PLD1: variants seen among roughly 807,000 people sequenced by gnomAD.
The protein encoded by PLD1 is phospholipase D1.
A neutral mutation model predicts 137.1 loss-of-function variants in PLD1; 112 were observed. The ratio of observed to expected loss-of-function variants is 0.82; its 90% confidence interval spans 0.70 to 0.96. The LOEUF (loss-of-function observed/expected upper bound fraction) is 0.96. Among genes scored for constraint, PLD1 ranks in the 40% least tolerant of loss-of-function variants. PLD1 has a pLI of 0.00. For missense variants in PLD1, 1,321 were observed against 1,342.0 expected (o/e 0.98, Z 0.24); for synonymous variants, 431 against 454.7 (o/e 0.95, Z 0.66).
At chr3:171,620,266 T>C (rs747720380) in intron 24 of PLD1, 120 bp downstream of exon 24, 5 of 631,822 alleles carry the variant, frequency 7.9e-6, no homozygotes, top group Non-Finnish European at 1.3e-5. Flanking sequence ...AATGTTTTAG[T>C]TATGGTGTTA....
At chr3:171,709,998 G>T (rs1177492474) in intron 9 of PLD1, among the ~76,000 whole-genome samples, 2 of 152,196 alleles carry the variant, frequency 1.3e-5, no homozygotes, top group Non-Finnish European at 2.9e-5. Flanking sequence ...GGGGTAAGGT[G>T]AGGTTCTATT....
chr3:171,809,886 G>A (rs1724042622), intron 1 of PLD1: 1 of 152,422 alleles, frequency 6.6e-6, no homozygotes, highest in Admixed American at 6.5e-5. Context: ...GCGGTCAGCA[G>A]CTGTGATCAC....
chr3:171,722,760 A>T (rs1445923815), intron 8 of PLD1, among the ~76,000 whole-genome samples: 1 of 152,178 alleles, frequency 6.6e-6, no homozygotes, highest in Non-Finnish European at 1.5e-5. Flanking sequence ...ATATTGACAG[A>T]GTTGTGCAAC....
At chr3:171,746,137 C>A (rs1427201000) in intron 1 of PLD1, among the ~76,000 whole-genome samples, 1 of 152,228 alleles carries the variant, frequency 6.6e-6, no homozygotes, top group African/African-American at 2.4e-5. Flanking sequence ...GAGCTTGGGA[C>A]CTGCAGCCTG....
intron 9 of PLD1, among the ~76,000 whole-genome samples, chr3:171,711,368 A>C (rs527536436): frequency 1.4e-3 from 212 of 148,866 alleles, no homozygotes; most frequent in African/African-American, 5.1e-3. Flanking sequence ...ACAGGGTTTC[A>C]CAATATTGGC....
At chr3:171,750,224 T>C (rs1720557274) in intron 1 of PLD1, among the ~76,000 whole-genome samples, 1 of 151,780 alleles carries the variant, frequency 6.6e-6, no homozygotes, top group African/African-American at 2.4e-5. Context: ...AAGTAGAAAA[T>C]CTCACCAGAG....
At chr3:171,809,756 C>G (rs558351166) in intron 1 of PLD1, 85 of 152,458 alleles carry the variant, frequency 5.6e-4, no homozygotes, top group African/African-American at 2.0e-3. Flanking sequence ...TGGATCTGAG[C>G]CCTACGTCCC....
At chr3:171,673,186 A>C in intron 19 of PLD1, among the ~76,000 whole-genome samples, 1 of 152,240 alleles carries the variant, frequency 6.6e-6, no homozygotes, top group Non-Finnish European at 1.5e-5. Flanking sequence ...ATCAACTTAC[A>C]TATAAATCAT....
intron 1 of PLD1, among the ~76,000 whole-genome samples, chr3:171,800,435 C>T (rs975777126): frequency 6.6e-6 from 1 of 152,242 alleles, no homozygotes; most frequent in Non-Finnish European, 1.5e-5. Flanking sequence ...TCTCAAACTC[C>T]TAATCTCAAG....
At chr3:171,673,430 C>T (rs115384771) in intron 19 of PLD1, among the ~76,000 whole-genome samples, 1,630 of 151,964 alleles carry the variant, frequency 0.011, 37 homozygotes, top group African/African-American at 0.038. Flanking sequence ...TACAGGCGCA[C>T]GCTACCACGC....
chr3:171,697,435 C>T (rs185676454), intron 12 of PLD1, among the ~76,000 whole-genome samples: 6 of 151,816 alleles, frequency 4.0e-5, no homozygotes, highest in South Asian at 2.1e-4. Flanking sequence ...TTAGTAGAGA[C>T]GGGGTCCGAC....
At chr3:171,626,370 G>A (rs922582108) in intron 23 of PLD1, among the ~76,000 whole-genome samples, 96 of 152,300 alleles carry the variant, frequency 6.3e-4, no homozygotes, top group African/African-American at 2.1e-3. Flanking sequence ...CCAAATCTAC[G>A]TCTGATTAGT....
At chr3:171,744,734 T>C (rs964613174) in intron 1 of PLD1, among the ~76,000 whole-genome samples, 1 of 152,260 alleles carries the variant, frequency 6.6e-6, no homozygotes, top group Admixed American at 6.5e-5. Flanking sequence ...ACATAGCTCT[T>C]AAAATTTCCA....
chr3:171,673,919 T>C (rs1477020639), intron 19 of PLD1, among the ~76,000 whole-genome samples: 1 of 150,818 alleles, frequency 6.6e-6, no homozygotes, highest in Non-Finnish European at 1.5e-5. Flanking sequence ...TGGGTAACAC[T>C]GGACCAGACT....
At chr3:171,791,604 C>T (rs999918979) in intron 1 of PLD1, among the ~76,000 whole-genome samples, 1 of 152,162 alleles carries the variant, frequency 6.6e-6, no homozygotes, top group Non-Finnish European at 1.5e-5. Flanking sequence ...CAACAAGAAA[C>T]ATCAAACAGG....
chr3:171,674,979 C>CAAAAAAAAAAAAA (rs376402019), intron 18 of PLD1, among the ~76,000 whole-genome samples: 23 of 74,914 alleles, frequency 3.1e-4, no homozygotes, highest in South Asian at 7.2e-4. Context: ...ATCTCCATCT[C>CAAAAAAAAAAAAA]AAAAAAAAAA....
At chr3:171,724,424 A>G (rs1275383337) in intron 8 of PLD1, among the ~76,000 whole-genome samples, 1 of 152,184 alleles carries the variant, frequency 6.6e-6, no homozygotes, top group African/African-American at 2.4e-5. Flanking sequence ...CTTTTCGTAT[A>G]CTTATTGGCC....
intron 1 of PLD1, among the ~76,000 whole-genome samples, chr3:171,760,342 GAA>G (rs1440549442): frequency 6.6e-6 from 1 of 152,052 alleles, no homozygotes; most frequent in Non-Finnish European, 1.5e-5. Context: ...GTGATAACTA[GAA>G]TAATTAGAAT....
intron 25 of PLD1, among the ~76,000 whole-genome samples, chr3:171,610,575 A>G (rs1319394419): frequency 6.6e-6 from 1 of 152,250 alleles, no homozygotes; most frequent in Non-Finnish European, 1.5e-5. Flanking sequence ...TACACATTTA[A>G]AAAGTTATAA....
Sources: gnomAD v4.1 joint callset for allele counts (sites outside exome capture counted in the v4.1 genomes callset) on GRCh38, gnomAD v4.1.1 for gene constraint, MANE v1.5 for transcripts, NCBI Gene and HGNC (gene_info 2026-07-23, HGNC 2026-07-21) for gene names.